The following AFG2A variants were observed in gnomAD, a reference collection of about 807,000 sequenced individuals.
AFG2A encodes the protein AAA ATPase AFG2A.
the AFG2A span, among the ~76,000 whole-genome samples, chr4:123,027,439 A>G: frequency 1.3e-5 from 2 of 151,910 alleles, no homozygotes; most frequent in African/African-American, 4.8e-5. Flanking sequence ...AATCTCATCT[A>G]TCCTTCGAGA....
the AFG2A span, among the ~76,000 whole-genome samples, chr4:123,246,601 A>G: frequency 7.2e-5 from 11 of 152,104 alleles, no homozygotes; most frequent in Non-Finnish European, 1.6e-4. Context: ...TTTTCATGAC[A>G]TGTCACACAT....
chr4:123,228,148 A>G, the AFG2A span, among the ~76,000 whole-genome samples: 4 of 152,106 alleles, frequency 2.6e-5, no homozygotes, highest in Non-Finnish European at 5.9e-5. Flanking sequence ...AATACAGCAC[A>G]CTGATGGGTC....
At chr4:123,263,427 T>A in the AFG2A span, among the ~76,000 whole-genome samples, 2 of 152,200 alleles carry the variant, frequency 1.3e-5, no homozygotes, top group Non-Finnish European at 2.9e-5. Context: ...TCACAATGCC[T>A]AGCATAGCAC....
the AFG2A span, among the ~76,000 whole-genome samples, chr4:123,046,651 A>G: frequency 2.0e-5 from 3 of 152,132 alleles, no homozygotes; most frequent in East Asian, 1.9e-4. Context: ...GAACATTACA[A>G]TTCTCCTCTT....
the AFG2A span, among the ~76,000 whole-genome samples, chr4:122,930,119 A>G: frequency 2.9e-4 from 44 of 152,334 alleles, no homozygotes; most frequent in East Asian, 8.3e-3. Flanking sequence ...CTGATTGTAT[A>G]TTTTAACTTG....
chr4:123,112,172 G>A, the AFG2A span, among the ~76,000 whole-genome samples: 2 of 152,094 alleles, frequency 1.3e-5, no homozygotes, highest in African/African-American at 4.8e-5. Context: ...GTCTCCCTTT[G>A]AGTGGAAACT....
the AFG2A span, among the ~76,000 whole-genome samples, chr4:123,208,542 A>G: frequency 1.4e-4 from 22 of 152,228 alleles, no homozygotes; most frequent in Admixed American, 2.0e-4. Context: ...GGATAGTAAT[A>G]TGAGACCAAA....
chr4:123,198,268 C>CAA, the AFG2A span, among the ~76,000 whole-genome samples: 7 of 140,536 alleles, frequency 5.0e-5, no homozygotes, highest in Admixed American at 3.5e-4. Context: ...CACTCCGTCT[C>CAA]AAAAAAAAAA....
At chr4:123,015,297 A>T in the AFG2A span, among the ~76,000 whole-genome samples, 1 of 150,946 alleles carries the variant, frequency 6.6e-6, no homozygotes, top group Admixed American at 6.6e-5. Flanking sequence ...AAGTGAACAA[A>T]GGTCTCTGGT....
chr4:123,067,458 A>G, the AFG2A span, among the ~76,000 whole-genome samples: 1 of 152,016 alleles, frequency 6.6e-6, no homozygotes, highest in Non-Finnish European at 1.5e-5. Flanking sequence ...TGTAGGTTGC[A>G]GTGAGCCAAG....
chr4:123,023,503 C>G, the AFG2A span, among the ~76,000 whole-genome samples: 1 of 152,130 alleles, frequency 6.6e-6, no homozygotes, highest in African/African-American at 2.4e-5. Context: ...ACTGAGTATC[C>G]TATACCTATA....
the AFG2A span, chr4:123,259,826 C>A: frequency 6.6e-6 from 1 of 152,162 alleles, no homozygotes; most frequent in South Asian, 2.1e-4. Flanking sequence ...CTTGGGAACA[C>A]AGGTGATGAG....
the AFG2A span, among the ~76,000 whole-genome samples, chr4:122,981,282 C>G: frequency 6.6e-6 from 1 of 152,218 alleles, no homozygotes; most frequent in East Asian, 1.9e-4. Flanking sequence ...AGAGATTGTG[C>G]TTTCGTCATT....
At chr4:123,095,683 A>G in the AFG2A span, among the ~76,000 whole-genome samples, 2 of 140,464 alleles carry the variant, frequency 1.4e-5, no homozygotes, top group African/African-American at 2.7e-5. Context: ...GTTAAAGTAC[A>G]TTTTATGTTT....
the AFG2A span, among the ~76,000 whole-genome samples, chr4:123,142,880 T>C: frequency 5.3e-5 from 8 of 152,044 alleles, no homozygotes; most frequent in Non-Finnish European, 1.2e-4. Flanking sequence ...TGGCTTACAA[T>C]TTGTTGTAAA....
the AFG2A span, among the ~76,000 whole-genome samples, chr4:123,100,694 A>T: frequency 6.6e-6 from 1 of 151,920 alleles, no homozygotes; most frequent in Non-Finnish European, 1.5e-5. Context: ...TTGCTATTGA[A>T]TAAAGTCATC....
At chr4:123,158,275 A>T in the AFG2A span, among the ~76,000 whole-genome samples, 1 of 152,156 alleles carries the variant, frequency 6.6e-6, no homozygotes, top group Non-Finnish European at 1.5e-5. Context: ...GTTGTGCTCT[A>T]TTTCTTTTGT....
the AFG2A span, chr4:122,923,330 A>G: frequency 6.2e-7 from 1 of 1,613,156 alleles, no homozygotes; most frequent in South Asian, 1.1e-5. Flanking sequence ...GTGGGAGACT[A>G]GAGGCCGAGG....
the AFG2A span, among the ~76,000 whole-genome samples, chr4:123,269,590 C>A: frequency 5.9e-5 from 9 of 152,126 alleles, no homozygotes; most frequent in Non-Finnish European, 1.0e-4. Context: ...AAAATTGGAA[C>A]CTCTAGTTTT....
Sources: gnomAD v4.1 joint callset for allele counts (sites outside exome capture counted in the v4.1 genomes callset) on GRCh38, gnomAD v4.1.1 for gene constraint, MANE v1.5 for transcripts, NCBI Gene and HGNC (gene_info 2026-07-23, HGNC 2026-07-21) for gene names.